The following IDE variants were observed in gnomAD, a reference collection of about 807,000 sequenced individuals.
The protein encoded by IDE is insulin degrading enzyme, also known as insulin-degrading enzyme.
Under a neutral mutation model 133.2 loss-of-function variants are expected in IDE, and 58 were observed. That is an observed-to-expected ratio of 0.44 (90% CI 0.35 to 0.54). The LOEUF (loss-of-function observed/expected upper bound fraction) is 0.54. Among genes scored for constraint, IDE ranks in the 20% least tolerant of loss-of-function variants. The probability of loss-of-function intolerance (pLI) is 0.00; values close to 1 mark genes in which losing one functional copy is unlikely to be tolerated. For missense variants in IDE, 981 were observed against 1,234.0 expected (o/e 0.79, Z 3.07); for synonymous variants, 396 against 421.3 (o/e 0.94, Z 0.73).
At chr10:92,468,740 T>G in intron 19 of IDE, 139 bp downstream of exon 19, 1 of 508,624 alleles carries the variant, frequency 2.0e-6, no homozygotes, top group Non-Finnish European at 3.5e-6. Flanking sequence ...ATTACCTATC[T>G]CTAATCATAA....
intron 4 of IDE, among the ~76,000 whole-genome samples, chr10:92,527,235 T>C (rs1279146122): frequency 2.6e-5 from 4 of 152,210 alleles, no homozygotes; most frequent in African/African-American, 7.2e-5. Flanking sequence ...TCATTTGTAA[T>C]GTACCTCTGC....
At position 92,487,315 on chromosome 10, in the gene IDE, A is replaced by G. The variant is rs1195495009; in HGVS notation, c.1537T>C (p.Trp513Arg). 6.2e-7 allele frequency: 1 copy of G among 1,609,260 alleles called. No individual in the cohort carries two copies. Among genetic ancestry groups the G allele is most frequent in the Non-Finnish European group, 8.5e-7 (1 of 1,178,036 alleles). ...TTCCCATTCAGGTCAGCATTTTGCC[A>G]TTTCTGGATGAATAATGAAACACAC... ...EAIPDEVIKK[W>R]QNADLNGKFK... The change falls in exon 13 of 25, where the codon TGG becomes CGG. Residue 513 changes from tryptophan to arginine, a missense_variant. Transcript: ENST00000265986.
intron 1 of IDE, among the ~76,000 whole-genome samples, chr10:92,545,570 C>G (rs1842503661): frequency 6.6e-6 from 1 of 152,192 alleles, no homozygotes; most frequent in African/African-American, 2.4e-5. Context: ...ATTTTCTTAT[C>G]TGGGAATATC....
intron 22 of IDE, among the ~76,000 whole-genome samples, chr10:92,460,020 G>A (rs1845282223): frequency 6.6e-6 from 1 of 151,826 alleles, no homozygotes; most frequent in Non-Finnish European, 1.5e-5. Context: ...ATTATTTTTA[G>A]TAGAGACAGG....
intron 13 of IDE, among the ~76,000 whole-genome samples, chr10:92,484,274 G>T (rs1239645067): frequency 6.6e-6 from 1 of 152,076 alleles, no homozygotes; most frequent in African/African-American, 2.4e-5. Flanking sequence ...AGCAGGGTGT[G>T]GTGGCTCGTG....
At position 92,544,868 on chromosome 10, in the gene IDE, T is replaced by C. The variant is rs188864281; in HGVS notation, c.99-7318A>G. Among the ~76,000 whole-genome samples, 362 of 152,292 alleles carry C rather than the reference T, an allele frequency of 2.4e-3. 2 individuals are homozygous for C. Among genetic ancestry groups the C allele is most frequent in the East Asian group, 8.3e-3 (43 of 5,186 alleles). ...CAGGTTTAAAGCAAGAGAGTATATG[T>C]ACAGAACTGACTCATGCATGAAAGG... On this transcript the variant is annotated intron_variant, in intron 1 of 24. Transcript: ENST00000265986.
At chr10:92,458,481 ACTCT>A (rs1461456422) in intron 22 of IDE, among the ~76,000 whole-genome samples, 14 of 126,412 alleles carry the variant, frequency 1.1e-4, no homozygotes, top group African/African-American at 1.9e-4. Flanking sequence ...GGTTATAAAT[ACTCT>A]CTCTGTTTTT....
At chr10:92,475,283 G>A (rs1350626420) in intron 16 of IDE, among the ~76,000 whole-genome samples, 1 of 152,114 alleles carries the variant, frequency 6.6e-6, no homozygotes, top group Non-Finnish European at 1.5e-5. Context: ...TAGGTTCTAC[G>A]CTATAAAGCC....
chr10:92,488,933 A>T (rs925144224), intron 12 of IDE, among the ~76,000 whole-genome samples: 40 of 5,538 alleles, frequency 7.2e-3, no homozygotes, highest in African/African-American at 0.027. Flanking sequence ...TTCATTATTT[A>T]AAAAAAAAAA....
At chr10:92,532,069 A>C in intron 3 of IDE, 152 bp from the exon 4 acceptor site, 1 of 518,534 alleles carries the variant, frequency 1.9e-6, no homozygotes. Context: ...AGGAGTATAA[A>C]ATAAGTGCTA....
intron 1 of IDE, among the ~76,000 whole-genome samples, chr10:92,566,432 C>CAG (rs1843554790): frequency 1.3e-5 from 2 of 151,890 alleles, no homozygotes; most frequent in Non-Finnish European, 2.9e-5. Flanking sequence ...CACACACACA[C>CAG]ACACACAACA....
At chr10:92,553,436 AAAG>A (rs1386171934) in intron 1 of IDE, among the ~76,000 whole-genome samples, 1 of 152,080 alleles carries the variant, frequency 6.6e-6, no homozygotes, top group Non-Finnish European at 1.5e-5. Context: ...AAAAAAAAAA[AAAG>A]AATACCAATC....
At chr10:92,502,884 G>A (rs796524891) in intron 11 of IDE, among the ~76,000 whole-genome samples, 9 of 152,242 alleles carry the variant, frequency 5.9e-5, no homozygotes, top group African/African-American at 2.2e-4. Context: ...AAGATTTTCT[G>A]TATCATAATC....
chr10:92,536,627 G>A (rs1842019710), intron 2 of IDE, among the ~76,000 whole-genome samples: 1 of 150,800 alleles, frequency 6.6e-6, no homozygotes, highest in Non-Finnish European at 1.5e-5. Context: ...GAACCCGGGA[G>A]GTGGAGGTTG....
intron 13 of IDE, 63 bp from the exon 14 acceptor site, chr10:92,483,400 A>C (rs1048648873): frequency 1.1e-6 from 1 of 873,998 alleles, no homozygotes; most frequent in Non-Finnish European, 1.9e-6. Flanking sequence ...TGTTCAATCA[A>C]ATCACTCTTC....
At chr10:92,556,852 A>T (rs1192811762) in intron 1 of IDE, among the ~76,000 whole-genome samples, 2 of 147,060 alleles carry the variant, frequency 1.4e-5, no homozygotes, top group Non-Finnish European at 3.0e-5. Context: ...TGAACCTGGG[A>T]GGTGGAGGTT....
chr10:92,573,279 C>A (rs533298625), intron 1 of IDE: 1 of 650,348 alleles, frequency 1.5e-6, no homozygotes, highest in South Asian at 6.9e-5. Context: ...AGCCATCTCT[C>A]GGAGCTCCGG....
intron 19 of IDE, 43 bp from the exon 20 acceptor site, chr10:92,465,886 T>C (rs777600939): frequency 3.8e-6 from 6 of 1,581,192 alleles, no homozygotes; most frequent in East Asian, 4.5e-5. Flanking sequence ...AAAAACTTAT[T>C]TGGGGTTTAA....
intron 4 of IDE, among the ~76,000 whole-genome samples, chr10:92,528,523 G>A (rs1400257444): frequency 6.6e-6 from 1 of 151,130 alleles, no homozygotes; most frequent in East Asian, 1.9e-4. Context: ...GTAAGATAGT[G>A]TTTGACAAAA....
Sources: gnomAD v4.1 joint callset for allele counts (sites outside exome capture counted in the v4.1 genomes callset) on GRCh38, gnomAD v4.1.1 for gene constraint, MANE v1.5 for transcripts, NCBI Gene and HGNC (gene_info 2026-07-23, HGNC 2026-07-21) for gene names.